ADGRF5: variants seen among roughly 807,000 people sequenced by gnomAD.
ADGRF5 encodes the protein adhesion G protein-coupled receptor F5, also known as G-protein coupled receptor 116.
Under a neutral mutation model 132.3 loss-of-function variants are expected in ADGRF5, and 75 were observed. The observed-to-expected ratio is 0.57, with a 90% CI of 0.47 to 0.69. ADGRF5 has a LOEUF of 0.69. Among genes scored for constraint, ADGRF5 ranks in the 30% least tolerant of loss-of-function variants. The probability of loss-of-function intolerance (pLI) is 0.00; values close to 1 mark genes in which losing one functional copy is unlikely to be tolerated. For missense variants in ADGRF5, 1,516 were observed against 1,630.6 expected (o/e 0.93, Z 1.21); for synonymous variants, 629 against 597.6 (o/e 1.05, Z -0.77).
At chr6:46,928,135 C>T (rs1777348970) in intron 1 of ADGRF5, among the ~76,000 whole-genome samples, 1 of 152,148 alleles carries the variant, frequency 6.6e-6, no homozygotes, top group Admixed American at 6.5e-5. Flanking sequence ...AACCCAAATG[C>T]CTGCTGTGAA....
In ADGRF5 at chr6:46,868,194, C is replaced by A. The variant is rs529932848; in HGVS notation, c.1621+689G>T. On this transcript the variant is annotated intron_variant, in intron 12 of 20. Transcript: ENST00000283296. Reference sequence around the variant, plus strand: ...TTGACCACTGGAGCCAGTCAATCTGCGTTTGCATCCTGGCTCTGCCACTTG... The same window carrying A: ...TTGACCACTGGAGCCAGTCAATCTGAGTTTGCATCCTGGCTCTGCCACTTG... 3.3e-5 allele frequency among the ~76,000 whole-genome samples: 5 copies of A among 152,292 alleles called. No individual in the cohort carries two copies. The South Asian group carries it at 1.0e-3, about 32-fold the overall frequency.
rs552677233 is a variant in ADGRF5, at chr6:46,893,999, G to A, written c.158-5494C>T. 3.9e-5 allele frequency among the ~76,000 whole-genome samples: 6 copies of A among 152,280 alleles called. 1 individual carries two copies. The highest frequency in any genetic ancestry group is 1.4e-4 in the African/African-American group (6 of 41,548). ...CTACTTTTGCCTGGAAACACTAATG[G>A]GAACTATGGTTTGTCAGAGCCAGAG... On this transcript the variant is annotated intron_variant, in intron 3 of 20. Transcript: ENST00000283296.
At position 46,915,901 on chromosome 6, in the gene ADGRF5, G is replaced by A. The variant is rs550979268; in HGVS notation, c.-25+5812C>T. The stretch of plus-strand genomic sequence containing the variant: ...CCTCACTCTCCCTGGCTTGCGGTGG[G>A]TACCTGCTCCATTTGTGCATGGCCT... On this transcript the variant is annotated intron_variant, in intron 1 of 20. Transcript: ENST00000283296. Among the ~76,000 whole-genome samples the A allele has an allele frequency of 1.5e-3, 222 of 152,172 alleles. 5 individuals carry two copies. The highest frequency in any genetic ancestry group is 1.9e-3 in the Non-Finnish European group (127 of 67,988).
chr6:46,890,815 A>G (rs948281496), intron 3 of ADGRF5, among the ~76,000 whole-genome samples: 2 of 152,262 alleles, frequency 1.3e-5, no homozygotes, highest in African/African-American at 2.4e-5. Context: ...ATTGTACCAT[A>G]AAGTTAAAAT....
chr6:46,880,987 C>A (rs2150836143), intron 8 of ADGRF5, among the ~76,000 whole-genome samples: 1 of 152,052 alleles, frequency 6.6e-6, no homozygotes, highest in East Asian at 1.9e-4. Flanking sequence ...GTGGCCCCAG[C>A]TACCCTAGAG....
At chr6:46,854,412 T>A (rs1768802028) in intron 20 of ADGRF5, among the ~76,000 whole-genome samples, 1 of 152,206 alleles carries the variant, frequency 6.6e-6, no homozygotes, top group Non-Finnish European at 1.5e-5. Flanking sequence ...GGAATCTCCC[T>A]GGTCCTCTTG....
intron 10 of ADGRF5, among the ~76,000 whole-genome samples, 198 bp downstream of exon 10, chr6:46,878,004 C>T (rs1772002997): frequency 6.6e-6 from 1 of 152,136 alleles, no homozygotes. Flanking sequence ...AAGCACGACA[C>T]TTGTGTGCAT....
intron 2 of ADGRF5, among the ~76,000 whole-genome samples, chr6:46,900,910 T>C (rs781476686): frequency 6.6e-6 from 1 of 152,196 alleles, no homozygotes; most frequent in Non-Finnish European, 1.5e-5. Flanking sequence ...TCATAAAATG[T>C]CTGTATGACC....
chr6:46,902,134 G>A (rs1479280770), intron 2 of ADGRF5, among the ~76,000 whole-genome samples: 1 of 152,218 alleles, frequency 6.6e-6, no homozygotes, highest in East Asian at 1.9e-4. Context: ...GGAACTGAAG[G>A]TGCAAAGTCA....
chr6:46,882,206 C>G, intron 6 of ADGRF5, 99 bp from the exon 7 acceptor site: 1 of 822,496 alleles, frequency 1.2e-6, no homozygotes, highest in Admixed American at 1.7e-5. Context: ...CCTAATCACA[C>G]TAGGTAAAAT....
intron 1 of ADGRF5, among the ~76,000 whole-genome samples, chr6:46,935,215 G>C (rs982035879): frequency 8.6e-5 from 13 of 151,954 alleles, no homozygotes; most frequent in African/African-American, 2.4e-4. Flanking sequence ...GTGTTAGCCA[G>C]GATGGTCTCG....
Position 46,868,951 on chromosome 6 carries a change from G to T in ADGRF5, c.1553C>A (p.Thr518Asn), listed in dbSNP as rs763485900. 3 of 1,613,188 alleles carry T rather than the reference G, an allele frequency of 1.9e-6. No homozygotes were observed. The highest frequency in any genetic ancestry group is 4.5e-5 in the East Asian group (2 of 44,882). ...AGIKIYQRFY[T>N]TRRYLDGAES... The stretch of plus-strand genomic sequence containing the variant: ...TGCTCCATCAAGATACCTCCTCGTG[G>T]TATAAAATCTTTGGTATATTTTAAT... Residue 518 changes from threonine to asparagine, a missense_variant, in exon 12 of 21, where the codon ACC (threonine) becomes AAC (asparagine). Thr to Asn is a moderately conservative substitution (Grantham distance 65). Around this residue, in one of 2 missense-constraint regions of ADGRF5, gnomAD observed 945 missense variants for 929.4 expected, o/e 1.02. Transcript: ENST00000283296.
At chr6:46,892,041 A>G (rs1773694667) in intron 3 of ADGRF5, among the ~76,000 whole-genome samples, 1 of 152,118 alleles carries the variant, frequency 6.6e-6, no homozygotes, top group Admixed American at 6.6e-5. Context: ...TATTTGAAAC[A>G]GGCTCAAAAA....
chr6:46,913,391 C>G (rs1049583721), intron 1 of ADGRF5, among the ~76,000 whole-genome samples: 1 of 151,842 alleles, frequency 6.6e-6, no homozygotes, highest in East Asian at 1.9e-4. Context: ...CTCAGCTACT[C>G]GGGAGGCTGA....
rs569153785 is a variant in ADGRF5, at chr6:46,954,380, TCTATACTATTA to T, written c.-25+343_-25+353del. Among the ~76,000 whole-genome samples, 279 of 150,960 alleles carry T rather than the reference TCTATACTATTA, an allele frequency of 1.8e-3. 1 individual carries two copies. Among genetic ancestry groups the T allele is most frequent in the Non-Finnish European group, 2.3e-3 (157 of 67,814 alleles). ...AGTAATAAAGAAATCATGGTAGAGG[TCTATACTATTA>T]AAAAGAAAAGGCAGTTAGTAAAAAT... is the stretch of plus-strand genomic sequence containing the variant. On this transcript the variant is annotated intron_variant, in intron 1 of 20. Coordinates refer to the ADGRF5 transcript ENST00000265417.
At chr6:46,877,318 C>CTTCT (rs1562175246) in intron 10 of ADGRF5, among the ~76,000 whole-genome samples, 43 of 21,632 alleles carry the variant, frequency 2.0e-3, no homozygotes, top group Admixed American at 4.0e-3. Flanking sequence ...TCCTTCCTTC[C>CTTCT]TTCCTTCTTT....
chr6:46,950,745 C>T (rs985396856), intron 1 of ADGRF5, among the ~76,000 whole-genome samples: 10 of 152,156 alleles, frequency 6.6e-5, no homozygotes, highest in African/African-American at 1.9e-4. Context: ...GATCTCTTGA[C>T]TTCGTGATCC....
At chr6:46,919,401 GA>G (rs1776701076) in intron 1 of ADGRF5, among the ~76,000 whole-genome samples, 1 of 152,212 alleles carries the variant, frequency 6.6e-6, no homozygotes, top group South Asian at 2.1e-4. Flanking sequence ...CATGGTGAAA[GA>G]AGAGGCATAA....
intron 3 of ADGRF5, among the ~76,000 whole-genome samples, chr6:46,897,854 T>C (rs899604209): frequency 4.6e-5 from 7 of 152,180 alleles, no homozygotes; most frequent in Non-Finnish European, 8.8e-5. Flanking sequence ...ATGTTCTTAA[T>C]TGCAACTTAC....
Sources: allele counts gnomAD v4.1 joint callset (sites outside exome capture counted in the v4.1 genomes callset), GRCh38; gene constraint gnomAD v4.1.1; regional missense constraint gnomAD v4.1.1; transcripts MANE v1.5; gene names NCBI Gene and HGNC (gene_info 2026-07-23, HGNC 2026-07-21).